SELENOO: variants seen among roughly 807,000 people sequenced by gnomAD.
SELENOO encodes the protein protein adenylyltransferase SelO, mitochondrial.
Under a neutral mutation model 58.7 loss-of-function variants are expected in SELENOO, and 74 were observed. That is an observed-to-expected ratio of 1.26 (90% CI 1.04 to 1.53). The LOEUF is 1.53. Ranked by LOEUF, SELENOO falls within the 40% of genes most tolerant of loss-of-function variation. The pLI is 0.00. For synonymous variants in SELENOO, 543 were observed against 453.2 expected (o/e 1.20, Z -2.52); for missense variants, 1,149 against 970.0 (o/e 1.18, Z -2.45).
At chr22:50,216,614 G>A (rs1197657243) in intron 6 of SELENOO, 77 bp from the exon 7 acceptor site, 2 of 1,346,816 alleles carry the variant, frequency 1.5e-6, no homozygotes, top group African/African-American at 1.4e-5. Context: ...AGAGCGGGCT[G>A]GGGCAGGCGG....
chr22:50,203,905 C>T (rs571756192), intron 1 of SELENOO, among the ~76,000 whole-genome samples: 13 of 152,174 alleles, frequency 8.5e-5, no homozygotes, highest in African/African-American at 2.4e-4. Context: ...AAAAATGCAG[C>T]CCACAGAATG....
Position 50,201,470 on chromosome 22 carries a change from TC to T in SELENOO, c.435del (p.Phe145LeufsTer103). ...GCGCACTGCTACTGCGGCCACCAAT[TC>T]GGCCAGTTCGCCGGGCAGCTGGGCG... is the stretch of plus-strand genomic sequence containing the variant. ...PAAHCYCGHQ[F>X]GQFAGQLGDG... On this transcript the variant is annotated frameshift_variant, in exon 1 of 9. Transcript: ENST00000380903. LOFTEE classifies it high-confidence loss of function. The T allele has an allele frequency of 7.0e-7, 1 of 1,422,108 alleles. No homozygotes were observed. The highest frequency in any genetic ancestry group is 9.2e-7 in the Non-Finnish European group (1 of 1,085,740). 88.1% of individuals were successfully genotyped at this position (1,422,108 alleles called of 1,614,324 possible). A position where few individuals can be genotyped will look rare whatever the true frequency, so the allele number is the denominator to read the frequency against.
intron 1 of SELENOO, among the ~76,000 whole-genome samples, chr22:50,202,205 T>G (rs969161113): frequency 4.6e-5 from 5 of 109,752 alleles, no homozygotes; most frequent in Non-Finnish European, 9.9e-5. Flanking sequence ...ACTGCTTTTG[T>G]GAATGACTAG....
At chr22:50,211,311 C>T (rs1275867737) in intron 5 of SELENOO, among the ~76,000 whole-genome samples, 2 of 152,158 alleles carry the variant, frequency 1.3e-5, no homozygotes, top group Non-Finnish European at 2.9e-5. Context: ...GCCGTGCTGC[C>T]ATGAAAGCGA....
In SELENOO at chr22:50,215,837, G is replaced by C. The variant is rs1317808562; in HGVS notation, c.1472G>C (p.Arg491Thr). The change falls in exon 6 of 9, where the codon AGG becomes ACG. Residue 491 changes from arginine to threonine, a missense_variant. Physicochemically the swap from Arg to Thr is moderately conservative, Grantham distance 71. Transcript: ENST00000380903. ...MEQCASLEEL[R>T]LAFRPQMDPR... Reference sequence around the variant, plus strand: ...CAGTGTGCCTCCCTGGAGGAGCTGAGGCTGGCCTTCCGGCCCCAGATGGAT... The same window carrying C: ...CAGTGTGCCTCCCTGGAGGAGCTGACGCTGGCCTTCCGGCCCCAGATGGAT... 1.6e-5 allele frequency: 26 copies of C among 1,611,638 alleles called. No individual in the cohort carries two copies. Among genetic ancestry groups the C allele is most frequent in the Non-Finnish European group, 2.2e-5 (26 of 1,178,366 alleles).
At chr22:50,216,943 G>A (rs754605776) in intron 7 of SELENOO, 29 bp from the exon 8 acceptor site, 3 of 1,604,600 alleles carry the variant, frequency 1.9e-6, no homozygotes, top group Non-Finnish European at 2.6e-6. Flanking sequence ...CAGCCCGGCT[G>A]TGACTCCAGA....
chr22:50,212,809 T>G (rs6010205), intron 5 of SELENOO, among the ~76,000 whole-genome samples: 50,023 of 98,192 alleles, frequency 0.51, 13,673 homozygotes, highest in African/African-American at 0.67. Flanking sequence ...TAATCTTCGT[T>G]TAAGTGGAGT....
At position 50,208,687 on chromosome 22, in the gene SELENOO, G is replaced by A. The variant is rs375249006; in HGVS notation, c.910G>A (p.Val304Met). 32 of 1,613,316 alleles carry A rather than the reference G, an allele frequency of 2.0e-5. No individual in the cohort carries two copies. Among genetic ancestry groups the A allele is most frequent in the South Asian group, 1.2e-4 (11 of 91,076 alleles). The change falls in exon 3 of 9, where the codon GTG becomes ATG. Residue 304 changes from valine to methionine, a missense_variant. Val to Met is a conservative substitution (Grantham distance 21). Coordinates refer to ENST00000380903, the MANE Select transcript of SELENOO (RefSeq NM_031454.2). ...CCAGGCTGCTCATGCCAGCGACAGCGTGCAGAGAAATGCTGCCTTCTTCCG... is the reference window on the plus strand; with the variant it reads ...CCAGGCTGCTCATGCCAGCGACAGCATGCAGAGAAATGCTGCCTTCTTCCG... ...EIQAAHASDS[V>M]QRNAAFFREV...
Position 50,215,783 on chromosome 22 carries a change from T to C in SELENOO, c.1418T>C (p.Leu473Pro), listed in dbSNP as rs574317354. 1 of 1,612,572 alleles carries C rather than the reference T, an allele frequency of 6.2e-7. No homozygotes were observed. The highest frequency in any genetic ancestry group is 1.7e-5 in the Admixed American group (1 of 60,012). Residue 473 changes from leucine (L) to proline (P), a missense_variant, in exon 6 of 9, where the codon CTG (leucine) becomes CCG (proline). Leu to Pro is a moderately conservative substitution (Grantham distance 98, BLOSUM62 -3). Coordinates refer to ENST00000380903, the MANE Select transcript of SELENOO (RefSeq NM_031454.2). The part of the protein sequence containing the change: ...SFPVELESPG[L>P]AEFLARLMEQ... ...CCAGTGGAGCTAGAGTCGCCAGGCC[T>C]GGCGGAATTCCTGGCCAGGCTGATG...
chr22:50,201,436 G>A lies in SELENOO; in HGVS notation c.400G>A (p.Glu134Lys). The A allele has an allele frequency of 3.6e-6, 5 of 1,378,764 alleles. No homozygotes were observed. The highest frequency in any genetic ancestry group is 4.7e-6 in the Non-Finnish European group (5 of 1,060,964). The allele number at this position is 1,378,764 out of a possible 1,614,324, so 85.4% of individuals were successfully genotyped here. Residue 134 changes from glutamate (E) to lysine (K), a missense_variant, in exon 1 of 9, where the codon GAG becomes AAG. By Grantham distance (56) the Glu-to-Lys change is moderately conservative. Coordinates refer to ENST00000380903, the MANE Select transcript of SELENOO (RefSeq NM_031454.2). ...CGGCAACGCGCTCCTGCCGGGCGCC[G>A]AGCCCGCCGCGCACTGCTACTGCGG... ...FSGNALLPGA[E>K]PAAHCYCGHQ...
intron 2 of SELENOO, among the ~76,000 whole-genome samples, chr22:50,206,896 G>GA (rs1486544183): frequency 1.3e-5 from 2 of 152,114 alleles, no homozygotes; most frequent in Non-Finnish European, 2.9e-5. Context: ...TGCTTCTGGG[G>GA]GGGAGGGGGT....
Position 50,216,955 on chromosome 22 carries a change from C to T in SELENOO, c.1689-17C>T, listed in dbSNP as rs1209619999. ...GTCCAGCCCGGCTGTGACTCCAGAG[C>T]CCGGATGTCATTCCAGAGCCCGGCT... On this transcript the variant is annotated splice_polypyrimidine_tract_variant and intron_variant, in intron 7 of 8. Transcript: ENST00000380903. 1 of 1,606,472 alleles carries T rather than the reference C, an allele frequency of 6.2e-7. No individual in the cohort carries two copies. The highest frequency in any genetic ancestry group is 8.5e-7 in the Non-Finnish European group (1 of 1,177,376).
chr22:50,217,090 A>G lies in SELENOO; in HGVS notation c.1807A>G (p.Asn603Asp), dbSNP rs758993246. 1.2e-6 allele frequency: 2 copies of G among 1,613,022 alleles called. No individual in the cohort carries two copies. The highest frequency in any genetic ancestry group is 2.2e-5 in the South Asian group (2 of 91,090). The change falls in exon 8 of 9, where the codon AAT becomes GAT. Residue 603 changes from asparagine (N) to aspartate (D), a missense_variant. Transcript: ENST00000380903. ...CGTGCTGAGGAACTACATCGCGCAG[A>G]ATGCCATCGAGGCTGCCGAGCGCGG... ...KYVLRNYIAQ[N>D]AIEAAERGDF...
At chr22:50,209,986 CTG>C (rs1240750602) in intron 3 of SELENOO, among the ~76,000 whole-genome samples, 193 bp from the exon 4 acceptor site, 2 of 152,248 alleles carry the variant, frequency 1.3e-5, no homozygotes, top group Non-Finnish European at 2.9e-5. Context: ...AGAGTGGATG[CTG>C]TGAGTGCAAC....
chr22:50,201,702 C>T (rs914416529), intron 1 of SELENOO, 112 bp downstream of exon 1: 6 of 774,414 alleles, frequency 7.7e-6, no homozygotes, highest in Middle Eastern at 4.5e-4. Context: ...GTGGGGCCTC[C>T]CCTGCACCCG....
In SELENOO at chr22:50,208,285, C is replaced by T. The variant is rs537960581; in HGVS notation, c.759-251C>T. On this transcript the variant is annotated intron_variant, in intron 2 of 8. Transcript: ENST00000380903. The stretch of plus-strand genomic sequence containing the variant: ...TCTCTACTAAAAATACAAAAATTAG[C>T]TGGGCGTGGTGGCGTGTGCCTGTAA... Among the ~76,000 whole-genome samples the T allele has an allele frequency of 7.9e-5, 12 of 152,218 alleles. No homozygotes were observed. In the South Asian group the frequency reaches 2.5e-3, roughly 32 times the overall value.
Position 50,217,074 on chromosome 22 carries a change from G to A in SELENOO, c.1791G>A (p.Arg597=). 2 of 1,612,934 alleles carry A rather than the reference G, an allele frequency of 1.2e-6. No homozygotes were observed. Among genetic ancestry groups the A allele is most frequent in the South Asian group, 1.1e-5 (1 of 91,092 alleles). The change falls in exon 8 of 9, where the codon AGG becomes AGA. Residue 597 remains arginine, a synonymous_variant. Transcript: ENST00000380903. ...CCAACAACCCGAAGTACGTGCTGAG[G>A]AACTACATCGCGCAGAATGCCATCG... is the stretch of plus-strand genomic sequence containing the variant. ...MHANNPKYVL[R]NYIAQNAIEA...
intron 8 of SELENOO, 24 bp from the exon 9 acceptor site, chr22:50,217,181 C>T (rs1435615495): frequency 5.0e-6 from 8 of 1,611,448 alleles, no homozygotes; most frequent in Middle Eastern, 1.6e-4. Context: ...GCCCCAGACC[C>T]CTCTCACCCT....
At position 50,206,374 on chromosome 22, in the gene SELENOO, AG is replaced by A; in HGVS notation, c.613del (p.Ala205ProfsTer43). 6.2e-7 allele frequency: 1 copy of A among 1,614,090 alleles called. No individual in the cohort carries two copies. Among genetic ancestry groups the A allele is most frequent in the Non-Finnish European group, 8.5e-7 (1 of 1,180,052 alleles). ...GCATCCGGGAGTTTCTATGCAGCGA[AG>A]CCATGTTCCACCTGGGAGTCCCCAC... The part of the protein sequence containing the change: ...SSIREFLCSE[A>X]MFHLGVPTTR... On this transcript the variant is annotated frameshift_variant, in exon 2 of 9. Transcript: ENST00000380903. LOFTEE classifies it high-confidence loss of function.
Sources: gnomAD v4.1 joint callset for allele counts (sites outside exome capture counted in the v4.1 genomes callset) on GRCh38, gnomAD v4.1.1 for gene constraint, MANE v1.5 for transcripts, NCBI Gene and HGNC (gene_info 2026-07-23, HGNC 2026-07-21) for gene names.